The following PIEZO2 variants were observed in gnomAD, a reference collection of about 807,000 sequenced individuals.
PIEZO2 encodes piezo-type mechanosensitive ion channel component 2.
In PIEZO2, 172 loss-of-function variants were observed where a neutral mutation model predicts 337.3. The ratio of observed to expected loss-of-function variants is 0.51; its 90% CI spans 0.45 to 0.58. PIEZO2 has a LOEUF of 0.58. Among genes scored for constraint, PIEZO2 ranks in the 20% least tolerant of loss-of-function variants. The pLI is 0.00. For synonymous variants in PIEZO2, 1,251 were observed against 1,228.5 expected (o/e 1.02, Z -0.38); for missense variants, 3,028 against 3,391.3 (o/e 0.89, Z 2.66).
intron 3 of PIEZO2, among the ~76,000 whole-genome samples, chr18:10,978,357 A>G (rs1284417423): frequency 2.6e-5 from 4 of 151,822 alleles, no homozygotes; most frequent in Non-Finnish European, 5.9e-5. Context: ...AAAAACAAAA[A>G]CAACAAAAAA....
In PIEZO2 at chr18:10,870,821, A is replaced by C. The variant is rs1180136387; in HGVS notation, c.492+432T>G. On this transcript the variant is annotated intron_variant, in intron 5 of 55. Coordinates refer to ENST00000674853, the MANE Select transcript of PIEZO2 (RefSeq NM_001378183.1). This position sits in a 1 kb window ranked among gnomAD's most constrained non-coding sequence, Gnocchi z 5.3. ...TAACACCAGTCCACTGAGCAGGACA[A>C]GGTGCACAGACTGGAAAGCTGCCCT... 6.6e-6 allele frequency among the ~76,000 whole-genome samples: 1 copy of C among 152,238 alleles called. No individual in the cohort carries two copies. Among genetic ancestry groups the C allele is most frequent in the African/African-American group, 2.4e-5 (1 of 41,466 alleles).
chr18:11,134,916 C>A (rs7243841), intron 1 of PIEZO2, among the ~76,000 whole-genome samples: 26,159 of 152,000 alleles, frequency 0.17, 4,135 homozygotes, highest in African/African-American at 0.42. Flanking sequence ...AAAATCAGTG[C>A]CCAAGGAGGA....
At position 11,131,854 on chromosome 18, in the gene PIEZO2, C is replaced by T. The variant is rs2040350155; in HGVS notation, c.64+16671G>A. Among the ~76,000 whole-genome samples the T allele has an allele frequency of 6.6e-6, 1 of 152,190 alleles. No homozygotes were observed. The highest frequency in any genetic ancestry group is 6.5e-5 in the Admixed American group (1 of 15,282). On this transcript the variant is annotated intron_variant, in intron 1 of 55. Coordinates refer to ENST00000674853, the MANE Select transcript of PIEZO2 (RefSeq NM_001378183.1). The surrounding 1 kb of genome is among the most constrained non-coding windows in gnomAD (Gnocchi z 5.3). Reference sequence around the variant, plus strand: ...TTTAATAATGAAGCGGATAGGATGACCTGTTGTGTGGACACCACTCAGCCT... The same window carrying T: ...TTTAATAATGAAGCGGATAGGATGATCTGTTGTGTGGACACCACTCAGCCT...
chr18:10,931,168 A>G (rs982786721), intron 3 of PIEZO2, among the ~76,000 whole-genome samples: 3 of 152,036 alleles, frequency 2.0e-5, no homozygotes, highest in Non-Finnish European at 4.4e-5. Context: ...CTATCTAAAT[A>G]TATATCTACT....
intron 1 of PIEZO2, among the ~76,000 whole-genome samples, chr18:11,100,659 A>G (rs533474801): frequency 2.8e-4 from 42 of 152,106 alleles, no homozygotes; most frequent in African/African-American, 7.5e-4. Context: ...GCAGTGGCAC[A>G]GTTTTGGCTC....
At chr18:10,868,825 C>T (rs1245640518) in intron 5 of PIEZO2, among the ~76,000 whole-genome samples, 1 of 152,238 alleles carries the variant, frequency 6.6e-6, no homozygotes, top group African/African-American at 2.4e-5. Context: ...CATGACCTCA[C>T]AGCCGTGGCT....
intron 2 of PIEZO2, among the ~76,000 whole-genome samples, chr18:10,996,045 AAT>A (rs140597889): frequency 0.017 from 2,624 of 152,314 alleles, 85 homozygotes; most frequent in African/African-American, 0.059. Flanking sequence ...ATTTTGAAAC[AAT>A]AGAGTTTGGG....
rs1158000459 is a variant in PIEZO2, at chr18:10,759,730, A to G, written c.3630T>C (p.Ile1210=). 1 of 1,537,330 alleles carries G rather than the reference A, an allele frequency of 6.5e-7. No homozygotes were observed. Among genetic ancestry groups the G allele is most frequent in the Admixed American group, 2.0e-5 (1 of 51,008 alleles). Residue 1210 remains isoleucine (I), a synonymous_variant, in exon 25 of 56, where the codon ATT becomes ATC. Coordinates refer to ENST00000674853, the MANE Select transcript of PIEZO2 (RefSeq NM_001378183.1). The surrounding 1 kb of genome is among the most constrained non-coding windows in gnomAD (Gnocchi z 5.5). ...CTCGGCAAGGAGCAGGTGGGATGCC[A>G]ATGCAGATGAAATACTGGAAGGTGA... ...CIITFQYFIC[I]GIPPAPCRDY...
At chr18:10,841,185 A>G (rs1466225903) in intron 7 of PIEZO2, among the ~76,000 whole-genome samples, 1 of 152,212 alleles carries the variant, frequency 6.6e-6, no homozygotes. Flanking sequence ...CAGACATTGC[A>G]TATCAGGCAA....
intron 23 of PIEZO2, among the ~76,000 whole-genome samples, chr18:10,762,002 C>G (rs2038155643): frequency 6.6e-6 from 1 of 152,130 alleles, no homozygotes; most frequent in African/African-American, 2.4e-5. Context: ...GTAGTAGATT[C>G]TCTTTATTAA....
chr18:11,111,726 G>A lies in PIEZO2; in HGVS notation c.64+36799C>T, dbSNP rs1007809657. On this transcript the variant is annotated intron_variant, in intron 1 of 55. Coordinates refer to ENST00000674853, the MANE Select transcript of PIEZO2 (RefSeq NM_001378183.1). The surrounding 1 kb of genome is among the most constrained non-coding windows in gnomAD (Gnocchi z 6.2). ...CTTGAACTGACACCGTCACACCCTC[G>A]GGGAATCCGTAGCCAGGCACCAGTC... is the stretch of plus-strand genomic sequence containing the variant. Among the ~76,000 whole-genome samples, 2 of 152,242 alleles carry A rather than the reference G, an allele frequency of 1.3e-5. No individual in the cohort carries two copies. The highest frequency in any genetic ancestry group is 2.9e-5 in the Non-Finnish European group (2 of 68,020).
At chr18:10,823,857 C>A (rs2040591661) in intron 7 of PIEZO2, among the ~76,000 whole-genome samples, 1 of 152,168 alleles carries the variant, frequency 6.6e-6, no homozygotes. Flanking sequence ...TACACAGACA[C>A]CCATTGCTCA....
In PIEZO2 at chr18:10,872,174, AAC is replaced by A. The variant is rs558364953; in HGVS notation, c.330-761_330-760del. 3.9e-4 allele frequency among the ~76,000 whole-genome samples: 60 copies of A among 152,366 alleles called. No individual in the cohort carries two copies. Among genetic ancestry groups the A allele is most frequent in the Admixed American group, 1.5e-3 (23 of 15,306 alleles). On this transcript the variant is annotated intron_variant, in intron 4 of 55. Transcript: ENST00000674853. This position sits in a 1 kb window ranked among gnomAD's most constrained non-coding sequence, Gnocchi z 4.3. ...CGTGAAAGTTCTTTGTAAAGAATGA[AAC>A]ACATATTTTCACTAAGCCTACATTT...
At chr18:10,898,408 G>A (rs1468657660) in intron 4 of PIEZO2, among the ~76,000 whole-genome samples, 4 of 151,826 alleles carry the variant, frequency 2.6e-5, no homozygotes, top group African/African-American at 9.7e-5. Context: ...GCGACAGAGC[G>A]AGACTCCGTC....
At chr18:11,012,777 C>T (rs115914284) in intron 2 of PIEZO2, among the ~76,000 whole-genome samples, 2,572 of 152,302 alleles carry the variant, frequency 0.017, 62 homozygotes, top group African/African-American at 0.057. Context: ...AGCACAGGGG[C>T]TCATGCCTGT....
Position 11,104,301 on chromosome 18 carries a change from T to TA in PIEZO2, c.65-38080dup, listed in dbSNP as rs1182595559. 1.3e-5 allele frequency among the ~76,000 whole-genome samples: 2 copies of TA among 152,182 alleles called. No individual in the cohort carries two copies. The highest frequency in any genetic ancestry group is 4.8e-5 in the African/African-American group (2 of 41,444). On this transcript the variant is annotated intron_variant, in intron 1 of 55. Coordinates refer to ENST00000674853, the MANE Select transcript of PIEZO2 (RefSeq NM_001378183.1). This position sits in a 1 kb window ranked among gnomAD's most constrained non-coding sequence, Gnocchi z 4.6. ...GGGAGAATATCGTGAGGAAGAATCCTATGCAGAAAGCTATGCTGTTAGCCC... is the reference window on the plus strand; with the variant it reads ...GGGAGAATATCGTGAGGAAGAATCCTAATGCAGAAAGCTATGCTGTTAGCCC...
Position 11,130,130 on chromosome 18 carries a change from A to C in PIEZO2, c.64+18395T>G, listed in dbSNP as rs552884691. 2.0e-5 allele frequency among the ~76,000 whole-genome samples: 3 copies of C among 152,318 alleles called. No homozygotes were observed. The East Asian group carries it at 5.8e-4, about 29-fold the overall frequency. On this transcript the variant is annotated intron_variant, in intron 1 of 55. Coordinates refer to ENST00000674853, the MANE Select transcript of PIEZO2 (RefSeq NM_001378183.1). ...GACTGCAGTGATTAGTGCCACCATC[A>C]AGGACTTGGAAGATGCAGAGGTGGT...
At chr18:11,010,834 A>G (rs759082759) in intron 2 of PIEZO2, among the ~76,000 whole-genome samples, 3 of 152,248 alleles carry the variant, frequency 2.0e-5, no homozygotes, top group Non-Finnish European at 4.4e-5. Context: ...AGAGAATTAC[A>G]TGGCTCAGAG....
At chr18:10,972,166 C>T (rs1401128987) in intron 3 of PIEZO2, among the ~76,000 whole-genome samples, 1 of 119,848 alleles carries the variant, frequency 8.3e-6, no homozygotes, top group Non-Finnish European at 1.9e-5. Context: ...GAGCGAGACT[C>T]CGCCTCAAAA....
Sources: gnomAD v4.1 joint callset for allele counts (sites outside exome capture counted in the v4.1 genomes callset) on GRCh38, gnomAD v4.1.1 for gene constraint, Gnocchi (gnomAD v3.1) non-coding constraint, MANE v1.5 for transcripts, NCBI Gene and HGNC (gene_info 2026-07-23, HGNC 2026-07-21) for gene names.